HYAL4: variants seen among roughly 807,000 people sequenced by gnomAD.
The protein encoded by HYAL4 is hyaluronidase 4, also known as hyaluronidase-4.
HYAL4 carries 37 observed loss-of-function variants against 35.2 expected under a neutral mutation model. The observed-to-expected ratio is 1.05, with a 90% CI of 0.81 to 1.38. The LOEUF (loss-of-function observed/expected upper bound fraction) is 1.38, where lower values mean the gene tolerates loss of function less well. Among genes scored for constraint, HYAL4 ranks in the 40% most tolerant of loss-of-function variants. The pLI is 0.00. For synonymous variants in HYAL4, 198 were observed against 203.2 expected (o/e 0.97, Z 0.22); for missense variants, 572 against 572.4 (o/e 1.00, Z 0.01).
At chr7:123,817,156 A>G in the HYAL4 span, among the ~76,000 whole-genome samples, 1 of 152,086 alleles carries the variant, frequency 6.6e-6, no homozygotes, top group Admixed American at 6.6e-5. Context: ...AGATTGCACC[A>G]TTGGTCATCC....
chr7:123,805,179 G>A, the HYAL4 span, among the ~76,000 whole-genome samples: 1 of 152,160 alleles, frequency 6.6e-6, no homozygotes, highest in Non-Finnish European at 1.5e-5. Flanking sequence ...CGGAAGTTTT[G>A]AATCTTCTTT....
chr7:123,869,149 A>G lies in HYAL4; in HGVS notation c.876A>G (p.Thr292=). Residue 292 remains threonine, a synonymous_variant, in exon 3 of 5, where the codon ACA becomes ACG. Transcript: ENST00000223026. ...AATCCATGAGGATCTCCACCATGAC[A>G]TCTCATGATTATGCTCTGCCTGTAT... ...VHESMRISTM[T]SHDYALPVFV... The G allele has an allele frequency of 6.2e-7, 1 of 1,614,142 alleles. No homozygotes were observed.
At chr7:123,767,107 T>A in the HYAL4 span, among the ~76,000 whole-genome samples, 1 of 152,228 alleles carries the variant, frequency 6.6e-6, no homozygotes, top group East Asian at 1.9e-4. Context: ...TTTAAAATCA[T>A]CTTACTATCA....
upstream of HYAL4, chr7:123,844,425 C>A (rs1806133337): frequency 6.6e-6 from 1 of 152,078 alleles, no homozygotes; most frequent in Admixed American, 6.5e-5. Context: ...AGGGCAGCCG[C>A]CTATATGAGT....
chr7:123,802,274 A>G, the HYAL4 span, among the ~76,000 whole-genome samples: 1 of 152,226 alleles, frequency 6.6e-6, no homozygotes, highest in South Asian at 2.1e-4. Flanking sequence ...TTATTTAAAC[A>G]TACCCCTTTC....
the HYAL4 span, among the ~76,000 whole-genome samples, chr7:123,813,195 A>T: frequency 6.6e-6 from 1 of 152,186 alleles, no homozygotes; most frequent in Non-Finnish European, 1.5e-5. Context: ...ATTATATCAG[A>T]GAAAAATCTG....
chr7:123,823,210 A>G, the HYAL4 span, among the ~76,000 whole-genome samples: 2 of 152,142 alleles, frequency 1.3e-5, no homozygotes, highest in Non-Finnish European at 2.9e-5. Flanking sequence ...TAAGATGATC[A>G]TAGGATTTTT....
chr7:123,848,273 C>T lies in HYAL4; in HGVS notation c.-52+115C>T, dbSNP rs187168439. 114 of 152,378 alleles carry T rather than the reference C, an allele frequency of 7.5e-4. 2 individuals carry two copies. Among genetic ancestry groups the T allele is most frequent in the Admixed American group, 1.2e-3 (18 of 15,272 alleles). 9.4% of individuals were successfully genotyped at this position (152,378 alleles called of 1,614,324 possible). ...TTGGAATACTCAATTTCTTTTGCAG[C>T]CTAACTTTACTTAATTTTCAAATGC... On this transcript the variant is annotated intron_variant, in intron 2 of 4. Transcript: ENST00000223026.
At chr7:123,870,737 G>C (rs948924710) in intron 3 of HYAL4, among the ~76,000 whole-genome samples, 5 of 150,640 alleles carry the variant, frequency 3.3e-5, no homozygotes, top group Admixed American at 1.3e-4. Flanking sequence ...TCCAGCCTGG[G>C]CGACAGAGCG....
chr7:123,782,303 A>G, the HYAL4 span, among the ~76,000 whole-genome samples: 10,051 of 152,222 alleles, frequency 0.066, 418 homozygotes, highest in East Asian at 0.11. Flanking sequence ...TTCTTCCCCA[A>G]CCATACAACC....
intron 1 of HYAL4, among the ~76,000 whole-genome samples, chr7:123,829,499 G>T (rs950502951): frequency 6.6e-6 from 1 of 152,068 alleles, no homozygotes; most frequent in African/African-American, 2.4e-5. Context: ...GTTAGTCATT[G>T]ATGCCACTCA....
chr7:123,784,187 A>G, the HYAL4 span, among the ~76,000 whole-genome samples: 1 of 152,210 alleles, frequency 6.6e-6, no homozygotes, highest in Non-Finnish European at 1.5e-5. Flanking sequence ...GAAACTCCTT[A>G]ATTTCAGTAT....
chr7:123,788,297 A>G, the HYAL4 span, among the ~76,000 whole-genome samples: 3 of 152,222 alleles, frequency 2.0e-5, no homozygotes, highest in Non-Finnish European at 4.4e-5. Context: ...ATGCTCAATG[A>G]ACTGAATGTA....
chr7:123,846,263 A>AG (rs1263507639), intron 1 of HYAL4, among the ~76,000 whole-genome samples: 1 of 150,894 alleles, frequency 6.6e-6, no homozygotes, highest in Non-Finnish European at 1.5e-5. Flanking sequence ...AAGGACCATC[A>AG]GGGGGGCAGG....
At chr7:123,864,055 C>T (rs549683292) in intron 2 of HYAL4, among the ~76,000 whole-genome samples, 18 of 152,178 alleles carry the variant, frequency 1.2e-4, no homozygotes, top group South Asian at 6.2e-4. Flanking sequence ...GTGCTTGAGC[C>T]GACCTGAAAT....
chr7:123,855,696 G>A (rs1191960799), intron 2 of HYAL4, among the ~76,000 whole-genome samples: 1 of 152,054 alleles, frequency 6.6e-6, no homozygotes, highest in African/African-American at 2.4e-5. Flanking sequence ...TCTTCTCGAG[G>A]AGTATCTTTG....
At chr7:123,800,648 TTCTC>T in the HYAL4 span, among the ~76,000 whole-genome samples, 258 of 151,524 alleles carry the variant, frequency 1.7e-3, 2 homozygotes, top group South Asian at 4.4e-3. Context: ...TGTAATTTTT[TTCTC>T]TCTTTTTTTT....
At chr7:123,777,782 A>T in the HYAL4 span, among the ~76,000 whole-genome samples, 1 of 152,148 alleles carries the variant, frequency 6.6e-6, no homozygotes, top group East Asian at 1.9e-4. Context: ...TTGTTATAAA[A>T]AGCATTCAAT....
chr7:123,820,562 A>G, the HYAL4 span, among the ~76,000 whole-genome samples: 1 of 151,486 alleles, frequency 6.6e-6, no homozygotes, highest in East Asian at 2.0e-4. Flanking sequence ...CAGCTTGGGC[A>G]ACAAGAGTGA....
Sources: allele counts gnomAD v4.1 joint callset (sites outside exome capture counted in the v4.1 genomes callset), GRCh38; gene constraint gnomAD v4.1.1; transcripts MANE v1.5; gene names NCBI Gene and HGNC (gene_info 2026-07-23, HGNC 2026-07-21).